TMEM161B: variants seen among roughly 807,000 people sequenced by gnomAD.
TMEM161B encodes transmembrane protein 161B.
A neutral mutation model predicts 61.8 loss-of-function variants in TMEM161B; 34 were observed. The ratio of observed to expected loss-of-function variants is 0.55; its 90% CI spans 0.42 to 0.73. The LOEUF is 0.73. Ranked by LOEUF, TMEM161B falls within the 30% of genes least tolerant of loss-of-function variation. TMEM161B has a pLI of 0.00. For missense variants in TMEM161B, 456 were observed against 558.5 expected (o/e 0.82, Z 1.85); for synonymous variants, 167 against 192.8 (o/e 0.87, Z 1.11).
At chr5:88,231,527 T>G (rs1403355844) in intron 2 of TMEM161B, among the ~76,000 whole-genome samples, 1 of 152,200 alleles carries the variant, frequency 6.6e-6, no homozygotes, top group Non-Finnish European at 1.5e-5. Context: ...TTTGTATACT[T>G]CAAAGTTAGT....
In TMEM161B at chr5:88,220,727, G is replaced by GAAAAAAAAAAAAAAGAAAAAA; in HGVS notation, c.290-9_290-8insTTTTTTCTTTTTTTTTTTTTT. On this transcript the variant is annotated splice_polypyrimidine_tract_variant and intron_variant, in intron 4 of 11. Transcript: ENST00000296595. ...CTGGAAAGTAATGCAATGCTGGAAA[G>GAAAAAAAAAAAAAAGAAAAAA]AAAAAAAAAAAAAAAAAAAAAAAAG... 1 of 581,450 alleles carries GAAAAAAAAAAAAAAGAAAAAA rather than the reference G, an allele frequency of 1.7e-6. No homozygotes were observed. Among genetic ancestry groups the GAAAAAAAAAAAAAAGAAAAAA allele is most frequent in the Non-Finnish European group, 2.1e-6 (1 of 466,910 alleles). 36.0% of individuals were successfully genotyped at this position (581,450 alleles called of 1,614,324 possible). A position where few individuals can be genotyped will look rare whatever the true frequency, so the allele number is the denominator to read the frequency against.
chr5:88,213,692 T>G (rs561415694), intron 5 of TMEM161B, among the ~76,000 whole-genome samples: 2 of 152,318 alleles, frequency 1.3e-5, no homozygotes, highest in African/African-American at 4.8e-5. Flanking sequence ...ACAGAAATAA[T>G]GTCCTATTAC....
chr5:88,196,286 G>A lies in TMEM161B; in HGVS notation c.1389C>T (p.Thr463=), dbSNP rs1194642185. Residue 463 remains threonine (T), a synonymous_variant, in exon 12 of 12, where the codon ACC becomes ACT. Transcript: ENST00000296595. ...AAAAGAGGCAAGCAGCAATCCACCA[G>A]GTCAGAAAAGACAGAAGTCCTCGAA... ...LLFRGLLSFL[T]WWIAACLFST... is the part of the protein sequence containing the mutation. 4 of 1,613,182 alleles carry A rather than the reference G, an allele frequency of 2.5e-6. No individual in the cohort carries two copies. The highest frequency in any genetic ancestry group is 3.4e-6 in the Non-Finnish European group (4 of 1,179,484).
At position 88,202,978 on chromosome 5, in the gene TMEM161B, T is replaced by C; in HGVS notation, c.898A>G (p.Lys300Glu). The change falls in exon 9 of 12, where the codon AAA becomes GAA. Residue 300 changes from lysine to glutamate, a missense_variant. Transcript: ENST00000296595. ...CATACTTACAAAGGGATACTTTCTT[T>C]GCCCAGTGGTGGGTTCATAATGTAG... ...KDYIMNPPLG[K>E]ESIPLMTEAT... 6.2e-7 allele frequency: 1 copy of C among 1,608,946 alleles called. No individual in the cohort carries two copies. Among genetic ancestry groups the C allele is most frequent in the Non-Finnish European group, 8.5e-7 (1 of 1,175,564 alleles).
intron 1 of TMEM161B, among the ~76,000 whole-genome samples, chr5:88,253,373 A>G (rs1754586541): frequency 1.3e-5 from 2 of 152,196 alleles, no homozygotes; most frequent in Admixed American, 1.3e-4. Context: ...ACACTCCAAT[A>G]GAGTGATTAA....
chr5:88,214,683 GC>G (rs1747487577), intron 5 of TMEM161B, among the ~76,000 whole-genome samples: 1 of 152,182 alleles, frequency 6.6e-6, no homozygotes, highest in Non-Finnish European at 1.5e-5. Context: ...CATCCTCATT[GC>G]AAGGGTTTCT....
At chr5:88,217,493 G>C (rs1748075371) in intron 5 of TMEM161B, among the ~76,000 whole-genome samples, 1 of 151,704 alleles carries the variant, frequency 6.6e-6, no homozygotes, top group African/African-American at 2.4e-5. Context: ...ATAAGGAATT[G>C]GTTAGATGAC....
intron 4 of TMEM161B, among the ~76,000 whole-genome samples, chr5:88,223,806 G>A (rs993689173): frequency 4.6e-5 from 7 of 151,860 alleles, no homozygotes; most frequent in Admixed American, 6.6e-5. Flanking sequence ...GGAGAATGGC[G>A]TGAACCTGGG....
At chr5:88,199,192 A>G (rs1369811730) in intron 9 of TMEM161B, 42 bp from the exon 10 acceptor site, 1 of 1,546,810 alleles carries the variant, frequency 6.5e-7, no homozygotes, top group East Asian at 2.4e-5. Context: ...AAAGACAACA[A>G]TATGCTAGCA....
intron 2 of TMEM161B, among the ~76,000 whole-genome samples, chr5:88,232,735 G>A (rs1045286970): frequency 6.6e-6 from 1 of 151,986 alleles, no homozygotes; most frequent in East Asian, 1.9e-4. Context: ...CACCATGTCC[G>A]GCTAATTTTT....
chr5:88,229,208 T>C (rs1439591253), intron 2 of TMEM161B, among the ~76,000 whole-genome samples: 2 of 152,210 alleles, frequency 1.3e-5, no homozygotes, highest in Admixed American at 1.3e-4. Flanking sequence ...TCATCCTGAA[T>C]TTCATGGCTT....
At chr5:88,256,151 G>A (rs1245184194) in intron 1 of TMEM161B, among the ~76,000 whole-genome samples, 1 of 151,978 alleles carries the variant, frequency 6.6e-6, no homozygotes, top group Non-Finnish European at 1.5e-5. Context: ...TTAACATATT[G>A]GTGTTCAAAT....
At chr5:88,213,814 A>G (rs997388600) in intron 5 of TMEM161B, among the ~76,000 whole-genome samples, 1 of 152,198 alleles carries the variant, frequency 6.6e-6, no homozygotes. Context: ...TTGACATAAC[A>G]TGACATATAC....
chr5:88,222,625 T>G (rs531940347), intron 4 of TMEM161B, among the ~76,000 whole-genome samples: 1 of 152,296 alleles, frequency 6.6e-6, no homozygotes, highest in African/African-American at 2.4e-5. Flanking sequence ...CCCATACTCA[T>G]AGGGACTTCT....
chr5:88,193,263 G>A (rs1286769830), downstream of TMEM161B, among the ~76,000 whole-genome samples: 4 of 152,000 alleles, frequency 2.6e-5, no homozygotes, highest in East Asian at 1.9e-4. Context: ...ATAAATTGTC[G>A]CAATCCTACT....
downstream of TMEM161B, among the ~76,000 whole-genome samples, chr5:88,191,724 G>A (rs1049770520): frequency 1.3e-4 from 20 of 151,620 alleles, no homozygotes; most frequent in Admixed American, 9.8e-4. Context: ...TTGGGAGGCC[G>A]AGGCAGGTGG....
intron 4 of TMEM161B, among the ~76,000 whole-genome samples, chr5:88,223,977 G>C (rs544044071): frequency 4.6e-5 from 7 of 151,872 alleles, no homozygotes; most frequent in African/African-American, 1.7e-4. Context: ...TCTAGGACAT[G>C]CTTTACATAT....
intron 5 of TMEM161B, among the ~76,000 whole-genome samples, chr5:88,210,151 C>T (rs189683277): frequency 6.6e-6 from 1 of 152,184 alleles, no homozygotes; most frequent in East Asian, 1.9e-4. Context: ...GTCTTAGTTT[C>T]TTCATTTGTA....
chr5:88,259,864 T>C (rs748150304), intron 1 of TMEM161B, among the ~76,000 whole-genome samples: 6 of 152,192 alleles, frequency 3.9e-5, no homozygotes, highest in Non-Finnish European at 7.3e-5. Context: ...AGATTGAACT[T>C]GTGAAATTCA....
Sources: gnomAD v4.1 joint callset for allele counts (sites outside exome capture counted in the v4.1 genomes callset) on GRCh38, gnomAD v4.1.1 for gene constraint, MANE v1.5 for transcripts, NCBI Gene and HGNC (gene_info 2026-07-23, HGNC 2026-07-21) for gene names.